The following PFKP variants were observed in gnomAD, a reference collection of about 807,000 sequenced individuals.
PFKP encodes ATP-dependent 6-phosphofructokinase, platelet type.
Under a neutral mutation model 94.3 loss-of-function variants are expected in PFKP, and 101 were observed. That is an observed-to-expected ratio of 1.07 (90% CI 0.91 to 1.26). The LOEUF is 1.26. Ranked by LOEUF, PFKP falls within the 50% of genes most tolerant of loss-of-function variation. The pLI is 0.00. For synonymous variants in PFKP, 573 were observed against 432.6 expected (o/e 1.32, Z -4.03); for missense variants, 1,145 against 1,103.3 (o/e 1.04, Z -0.53).
At chr10:3,094,240 G>A (rs116094374) in intron 2 of PFKP, among the ~76,000 whole-genome samples, 4 of 152,170 alleles carry the variant, frequency 2.6e-5, no homozygotes, top group Non-Finnish European at 4.4e-5. Context: ...CTCCTGCTGG[G>A]GCTGTTGGTT....
At chr10:3,089,339 A>G (rs373655662) in intron 2 of PFKP, among the ~76,000 whole-genome samples, 3 of 151,986 alleles carry the variant, frequency 2.0e-5, no homozygotes, top group African/African-American at 4.8e-5. Flanking sequence ...GGCGTGCACC[A>G]CGTTTTCTTT....
chr10:3,083,707 A>AT (rs982278010), intron 2 of PFKP, among the ~76,000 whole-genome samples: 2 of 152,052 alleles, frequency 1.3e-5, no homozygotes, highest in Non-Finnish European at 1.5e-5. Flanking sequence ...CAATGGCTTG[A>AT]TTTTGGCTCA....
chr10:3,129,728 G>T, intron 16 of PFKP, 91 bp from the exon 17 acceptor site: 1 of 1,367,764 alleles, frequency 7.3e-7, no homozygotes, highest in Admixed American at 1.8e-5. Context: ...GCGGTGGGGG[G>T]GCCTTGCTGC....
intron 3 of PFKP, chr10:3,100,877 A>AG (rs747961213): frequency 1.7e-6 from 2 of 1,177,756 alleles, no homozygotes; most frequent in Non-Finnish European, 2.5e-6. Flanking sequence ...AAAAAAAAAA[A>AG]AAAAATCCCC....
chr10:3,097,683 G>GT (rs1834601191), intron 2 of PFKP, among the ~76,000 whole-genome samples: 1 of 152,116 alleles, frequency 6.6e-6, no homozygotes, highest in Admixed American at 6.5e-5. Flanking sequence ...CTCCTTTCTT[G>GT]TTTATTACAT....
chr10:3,103,900 C>A lies in PFKP; in HGVS notation c.576C>A (p.His192Gln). Reference sequence around the variant, plus strand: ...CCATCGGCACGGACTCCGCCCTGCACAGGATCATCGAGGTCGTCGACGCCA... The same window carrying A: ...CCATCGGCACGGACTCCGCCCTGCAAAGGATCATCGAGGTCGTCGACGCCA... The part of the protein sequence containing the change: ...DMTIGTDSAL[H>Q]RIIEVVDAIM... The change falls in exon 5 of 22, where the codon CAC (histidine) becomes CAA (glutamine). Residue 192 changes from histidine to glutamine, a missense_variant. Around this residue, in one of 3 missense-constraint regions of PFKP, gnomAD observed 1,119 missense variants for 1,062.8 expected, o/e 1.05. Transcript: ENST00000381125. 3 of 1,613,944 alleles carry A rather than the reference C, an allele frequency of 1.9e-6. No individual in the cohort carries two copies. The highest frequency in any genetic ancestry group is 2.5e-6 in the Non-Finnish European group (3 of 1,180,038).
chr10:3,126,178 G>A (rs1215534047), intron 16 of PFKP, among the ~76,000 whole-genome samples: 2 of 152,208 alleles, frequency 1.3e-5, no homozygotes, highest in Non-Finnish European at 2.9e-5. Flanking sequence ...TTCCTTCAGA[G>A]CTGAGTTACA....
chr10:3,131,887 T>G (rs1345843531), intron 17 of PFKP, among the ~76,000 whole-genome samples: 1 of 152,162 alleles, frequency 6.6e-6, no homozygotes, highest in Admixed American at 6.5e-5. Flanking sequence ...TGATCTGAAA[T>G]GGGGATGTTC....
At chr10:3,122,094 G>C (rs1484220483) in intron 16 of PFKP, among the ~76,000 whole-genome samples, 1 of 151,980 alleles carries the variant, frequency 6.6e-6, no homozygotes, top group Admixed American at 6.6e-5. Flanking sequence ...AAGCACAGGG[G>C]TTACAGGGAT....
chr10:3,104,744 GC>G (rs1014067216), intron 5 of PFKP: 5 of 319,538 alleles, frequency 1.6e-5, no homozygotes, highest in African/African-American at 8.9e-5. Flanking sequence ...GAGAGATCCA[GC>G]CGTGGCTGTC....
rs1332886296 is a variant in PFKP at position 3,136,551 on chromosome 10, TG to T, written c.2329del (p.Glu777AsnfsTer75). 3 of 1,613,596 alleles carry T rather than the reference TG, an allele frequency of 1.9e-6. No individual in the cohort carries two copies. Among genetic ancestry groups the T allele is most frequent in the Non-Finnish European group, 2.5e-6 (3 of 1,179,782 alleles). Reference protein sequence around the residue: ...ASYDVSDSGQLEHVQPWSV With the variant: ...ASYDVSDSGQXEHVQPWSV ...TATGACGTGTCGGACTCAGGCCAGC[TG>T]GAACATGTGCAGCCCTGGAGTGTCT... On this transcript the variant is annotated frameshift_variant, in exon 22 of 22. Coordinates refer to ENST00000381125, the MANE Select transcript of PFKP (RefSeq NM_002627.5). LOFTEE classifies it low-confidence loss of function (END_TRUNC).
intron 14 of PFKP, among the ~76,000 whole-genome samples, chr10:3,118,468 GA>G (rs900938150): frequency 4.0e-4 from 37 of 92,438 alleles, no homozygotes; most frequent in African/African-American, 1.3e-3. Context: ...CTCCATCTTG[GA>G]AAAAAAAAAT....
At chr10:3,078,031 C>G (rs775471038) in intron 1 of PFKP, among the ~76,000 whole-genome samples, 2 of 152,190 alleles carry the variant, frequency 1.3e-5, no homozygotes, top group East Asian at 3.8e-4. Context: ...GTTGGGCTCC[C>G]AAAACCAAAA....
At position 3,113,145 on chromosome 10, in the gene PFKP, A is replaced by G. The variant is rs765146810; in HGVS notation, c.1181A>G (p.Tyr394Cys). 1.2e-6 allele frequency: 2 copies of G among 1,613,256 alleles called. No individual in the cohort carries two copies. The highest frequency in any genetic ancestry group is 1.7e-6 in the Non-Finnish European group (2 of 1,179,726). Residue 394 changes from tyrosine to cysteine, a missense_variant, in exon 12 of 22, where the codon TAC becomes TGC. By Grantham distance (194) the Tyr-to-Cys change is radical. This residue lies in a region of PFKP where 1,119 missense variants were observed against 1,062.8 expected (regional missense o/e 1.05). Transcript: ENST00000381125. ...AGCTTTGCGGGCAACCTGAACACCT[A>G]CAAGCGACTTGCCATCAAGCTGCCG... ...GRSFAGNLNT[Y>C]KRLAIKLPDD...
At chr10:3,110,365 A>ATTTTTTTTTTTT (rs57980780) in intron 10 of PFKP, among the ~76,000 whole-genome samples, 440 of 92,512 alleles carry the variant, frequency 4.8e-3, no homozygotes, top group Non-Finnish European at 6.5e-3. Flanking sequence ...CGCCTGGCTA[A>ATTTTTTTTTTTT]TTTTTTTTTT....
chr10:3,081,782 A>T (rs111505963), intron 1 of PFKP, among the ~76,000 whole-genome samples: 1 of 58 alleles, frequency 0.017, no homozygotes. Flanking sequence ...GTAAATAGAC[A>T]TGATACATTG....
rs556041801 is a variant in PFKP at position 3,073,825 on chromosome 10, G to GT, written c.112+6126dup. ...AGATTTTATTTCTGTGTGTGTGTGTGTTTTTTTTGTTTGTTTGTTTGTTTG... is the reference window on the plus strand; with the variant it reads ...AGATTTTATTTCTGTGTGTGTGTGTGTTTTTTTTTGTTTGTTTGTTTGTTTG... On this transcript the variant is annotated intron_variant, in intron 1 of 21. Coordinates refer to ENST00000381125, the MANE Select transcript of PFKP (RefSeq NM_002627.5). Among the ~76,000 whole-genome samples the GT allele has an allele frequency of 4.7e-3, 705 of 150,890 alleles. 6 individuals carry two copies. Among genetic ancestry groups the GT allele is most frequent in the African/African-American group, 0.016 (668 of 40,544 alleles).
rs1242840723 is a variant in PFKP, at chr10:3,103,956, A to T, written c.620+12A>T. 5 of 1,612,270 alleles carry T rather than the reference A, an allele frequency of 3.1e-6. No individual in the cohort carries two copies. The highest frequency in any genetic ancestry group is 4.2e-6 in the Non-Finnish European group (5 of 1,179,494). On this transcript the variant is annotated intron_variant, in intron 5 of 21. Transcript: ENST00000381125. ...ACCACGGCCCAGAGGTAAAGCGCTC[A>T]GAGGAACCGGCGGGAGGCCAGTGGG...
chr10:3,126,781 T>C (rs1163389313), intron 16 of PFKP, among the ~76,000 whole-genome samples: 3 of 152,274 alleles, frequency 2.0e-5, no homozygotes, highest in Non-Finnish European at 4.4e-5. Flanking sequence ...GTGGTGATGT[T>C]TGAACTGTAG....
Sources: gnomAD v4.1 joint callset for allele counts (sites outside exome capture counted in the v4.1 genomes callset) on GRCh38, gnomAD v4.1.1 for gene constraint, gnomAD v4.1.1 regional missense constraint, MANE v1.5 for transcripts, NCBI Gene and HGNC (gene_info 2026-07-23, HGNC 2026-07-21) for gene names.